The following KIAA0753 variants were observed in gnomAD, a reference collection of about 807,000 sequenced individuals.
KIAA0753 encodes the protein KIAA0753.
In KIAA0753, 114 loss-of-function variants were observed where a neutral mutation model predicts 116.9. That is an observed-to-expected ratio of 0.98 (90% CI 0.84 to 1.14). KIAA0753 has a LOEUF of 1.14. KIAA0753 is among the 50% of genes most tolerant of loss of function. KIAA0753 has a pLI of 0.00. For missense variants in KIAA0753, 1,156 were observed against 1,172.4 expected (o/e 0.99, Z 0.20); for synonymous variants, 405 against 413.1 (o/e 0.98, Z 0.24).
chr17:6,631,405 T>C (rs1008001828), intron 2 of KIAA0753, among the ~76,000 whole-genome samples: 1 of 152,232 alleles, frequency 6.6e-6, no homozygotes, highest in Non-Finnish European at 1.5e-5. Flanking sequence ...ATTCCAGAAC[T>C]GAGCAAAAAA....
chr17:6,579,815 G>T lies in KIAA0753; in HGVS notation c.2836C>A (p.Leu946Ile). The T allele has an allele frequency of 6.2e-7, 1 of 1,613,970 alleles. No homozygotes were observed. The change falls in exon 19 of 19, where the codon CTT becomes ATT. Residue 946 changes from leucine to isoleucine, a missense_variant. By Grantham distance (5) the Leu-to-Ile change is conservative. Transcript: ENST00000361413. ...GCATAATCTTCGCACATATCCTGAA[G>T]TTCAGCAGCCACAGCACCCAGAGCT... is the stretch of plus-strand genomic sequence containing the variant. ...DEALGAVAAE[L>I]QDMCEDYAEA...
intron 16 of KIAA0753, among the ~76,000 whole-genome samples, chr17:6,594,349 C>T (rs542691384): frequency 1.3e-5 from 2 of 150,878 alleles, no homozygotes; most frequent in East Asian, 2.0e-4. Context: ...AAACTTGTTA[C>T]AAACTTAAAT....
intron 7 of KIAA0753, among the ~76,000 whole-genome samples, chr17:6,615,628 A>C (rs1023606578): frequency 6.6e-6 from 1 of 151,452 alleles, no homozygotes; most frequent in Non-Finnish European, 1.5e-5. Flanking sequence ...AAAAAAAAAA[A>C]AAAAAAAAAA....
At chr17:6,601,819 G>C (rs1470116054) in intron 12 of KIAA0753, among the ~76,000 whole-genome samples, 3 of 152,118 alleles carry the variant, frequency 2.0e-5, no homozygotes, top group Admixed American at 6.5e-5. Context: ...GTCTTAATCA[G>C]AATTTAACAC....
At chr17:6,622,813 A>G (rs1971414635) in intron 6 of KIAA0753, 69 bp downstream of exon 6, 1 of 1,335,410 alleles carries the variant, frequency 7.5e-7, no homozygotes. Context: ...CATAAATCCT[A>G]ACGAAACTAG....
At chr17:6,587,186 T>C (rs1219375821) in intron 18 of KIAA0753, among the ~76,000 whole-genome samples, 2 of 151,984 alleles carry the variant, frequency 1.3e-5, no homozygotes, top group Non-Finnish European at 2.9e-5. Flanking sequence ...GAGCCGAGAT[T>C]GTACCACTGC....
chr17:6,622,753 C>T (rs989960477), intron 6 of KIAA0753, 129 bp downstream of exon 6: 4 of 756,788 alleles, frequency 5.3e-6, no homozygotes, highest in African/African-American at 5.2e-5. Context: ...GTTTCTTCTG[C>T]CCTCTGCAAA....
At position 6,620,864 on chromosome 17, in the gene KIAA0753, C is replaced by A. The variant is rs1158767251; in HGVS notation, c.1239G>T (p.Glu413Asp). Residue 413 changes from glutamate to aspartate, a missense_variant, in exon 7 of 19, where the codon GAG (glutamate) becomes GAT (aspartate). Physicochemically the swap from Glu to Asp is conservative, Grantham distance 45. Coordinates refer to ENST00000361413, the MANE Select transcript of KIAA0753 (RefSeq NM_014804.3). ...ERWPSTSPKG[E>D]RRPLTAKDTF... ...TGTCCTTTGCTGTGAGGGGCCTCCT[C>A]TCACCCTTTGGTGATGTACTTGGCC... 1.9e-6 allele frequency: 3 copies of A among 1,614,062 alleles called. No homozygotes were observed. In the Admixed American group the frequency reaches 5.0e-5, roughly 27 times the overall value.
At position 6,635,260 on chromosome 17, in the gene KIAA0753, T is replaced by C. The variant is rs1162528194; in HGVS notation, c.-68-89A>G. 12 of 535,244 alleles carry C rather than the reference T, an allele frequency of 2.2e-5. No homozygotes were observed. The East Asian group carries it at 3.1e-4, about 14-fold the overall frequency. 33.2% of individuals were successfully genotyped at this position (535,244 alleles called of 1,614,324 possible). A position where few individuals can be genotyped will look rare whatever the true frequency, so the allele number is the denominator to read the frequency against. On this transcript the variant is annotated intron_variant, in intron 1 of 18. Transcript: ENST00000361413. ...ACAGTGCCATGTGCATGTAGCAATA[T>C]ACTAGAAGTAGCCAATAGTAACCTC...
rs74701712 is a variant in KIAA0753 at position 6,589,759 on chromosome 17, G to A, written c.2786+20C>T. The stretch of plus-strand genomic sequence containing the variant: ...TTTGCAATTTGGTTCCTAAACAGAG[G>A]ACCGTAACATTTTACTGACCTTTCA... On this transcript the variant is annotated intron_variant, in intron 18 of 18. Transcript: ENST00000361413. 6,562 of 1,571,708 alleles carry A rather than the reference G, an allele frequency of 4.2e-3. 214 individuals carry two copies. In the African/African-American group the frequency reaches 0.075, roughly 18 times the overall value.
At chr17:6,596,778 CTT>C (rs940235858) in intron 14 of KIAA0753, among the ~76,000 whole-genome samples, 14 of 152,314 alleles carry the variant, frequency 9.2e-5, no homozygotes, top group South Asian at 8.3e-4. Flanking sequence ...GTTCAGGATT[CTT>C]TGTCTTTGAA....
chr17:6,591,073 A>AG lies in KIAA0753; in HGVS notation c.2441-444dup, dbSNP rs1258800537. 5.8e-3 allele frequency among the ~76,000 whole-genome samples: 844 copies of AG among 144,776 alleles called. 12 individuals are homozygous for AG. The highest frequency in any genetic ancestry group is 0.012 in the African/African-American group (432 of 36,696). The allele number at this position is 144,776 out of a possible 152,430, so 95.0% of individuals were successfully genotyped here. A position where few individuals can be genotyped will look rare whatever the true frequency, so the allele number is the denominator to read the frequency against. On this transcript the variant is annotated intron_variant, in intron 16 of 18. Coordinates refer to ENST00000361413, the MANE Select transcript of KIAA0753 (RefSeq NM_014804.3). ...AAGAAGAAGAAGAAGAAGAAGAAGAAGAAGAAGAAGAAGAAGAAGAAGAAG... is the reference window on the plus strand; with the variant it reads ...AAGAAGAAGAAGAAGAAGAAGAAGAAGGAAGAAGAAGAAGAAGAAGAAGAAG...
Position 6,612,058 on chromosome 17 carries a change from C to T in KIAA0753, c.1406G>A (p.Gly469Glu), listed in dbSNP as rs373425195. Residue 469 changes from glycine (G) to glutamate (E), a missense_variant, in exon 8 of 19, where the codon GGA becomes GAA. Coordinates refer to ENST00000361413, the MANE Select transcript of KIAA0753 (RefSeq NM_014804.3). ...TGCACTTTGGTCTAGAATAAATGGT[C>T]CTTCTTCCAGAACTATATCCGCATC... ...VLDADIVLEE[G>E]PFILDQSASF... 3 of 1,614,058 alleles carry T rather than the reference C, an allele frequency of 1.9e-6. No individual in the cohort carries two copies. Among genetic ancestry groups the T allele is most frequent in the Admixed American group, 1.7e-5 (1 of 60,004 alleles).
intron 7 of KIAA0753, among the ~76,000 whole-genome samples, chr17:6,613,632 T>C (rs1339414358): frequency 6.6e-6 from 1 of 151,822 alleles, no homozygotes; most frequent in Non-Finnish European, 1.5e-5. Context: ...ACTCAGTGAG[T>C]CTGAACTGAA....
chr17:6,587,686 A>G (rs1968680897), intron 18 of KIAA0753, among the ~76,000 whole-genome samples: 1 of 152,238 alleles, frequency 6.6e-6, no homozygotes, highest in Non-Finnish European at 1.5e-5. Flanking sequence ...ACCAGAACAA[A>G]GCATCTTATA....
rs746555515 is a variant in KIAA0753, at chr17:6,596,240, C to T, written c.2276G>A (p.Gly759Glu). 3 of 1,613,650 alleles carry T rather than the reference C, an allele frequency of 1.9e-6. No individual in the cohort carries two copies. The highest frequency in any genetic ancestry group is 2.5e-6 in the Non-Finnish European group (3 of 1,179,838). Residue 759 changes from glycine (G) to glutamate (E), a missense_variant, in exon 15 of 19, where the codon GGG becomes GAG. Coordinates refer to ENST00000361413, the MANE Select transcript of KIAA0753 (RefSeq NM_014804.3). The part of the protein sequence containing the change: ...LWAVTHAKIL[G>E]SETLATVEDS... ...CTCAACGGTGGCTAAGGTTTCAGAC[C>T]CCAAGATCTTAGCATGAGTCACAGC... is the stretch of plus-strand genomic sequence containing the variant.
At position 6,628,564 on chromosome 17, in the gene KIAA0753, C is replaced by A. The variant is rs200629798; in HGVS notation, c.271G>T (p.Val91Phe). The A allele has an allele frequency of 1.2e-6, 2 of 1,614,116 alleles. No individual in the cohort carries two copies. Among genetic ancestry groups the A allele is most frequent in the East Asian group, 4.5e-5 (2 of 44,882 alleles). The change falls in exon 3 of 19, where the codon GTC (valine) becomes TTC (phenylalanine). Residue 91 changes from valine to phenylalanine, a missense_variant. Transcript: ENST00000361413. The part of the protein sequence containing the change: ...PDLGSSVSFS[V>F]ISQERLSYAV... The stretch of plus-strand genomic sequence containing the variant: ...TAGCTAAGTCTCTCTTGGGATATGA[C>A]GGAAAATGAAACAGAACTGCCCAGG...
At chr17:6,582,839 C>A (rs149813753) in intron 18 of KIAA0753, among the ~76,000 whole-genome samples, 1 of 152,080 alleles carries the variant, frequency 6.6e-6, no homozygotes, top group Admixed American at 6.5e-5. Context: ...CCTTTTTTCC[C>A]ATACAATGCA....
chr17:6,620,824 T>C lies in KIAA0753; in HGVS notation c.1279A>G (p.Thr427Ala), dbSNP rs754871521. The change falls in exon 7 of 19, where the codon ACA becomes GCA. Residue 427 changes from threonine (T) to alanine (A), a missense_variant. Physicochemically the swap from Thr to Ala is moderately conservative, Grantham distance 58 (BLOSUM62 0). Transcript: ENST00000361413. The stretch of plus-strand genomic sequence containing the variant: ...TGCTTTGCTACAGAAGGTCGACTTG[T>C]TTCCTGTGGGAATGTGTCCTTTGCT... ...LTAKDTFPQETSRPSVAKQLL... is the reference protein window; with the variant it reads ...LTAKDTFPQEASRPSVAKQLL... 3 of 1,614,206 alleles carry C rather than the reference T, an allele frequency of 1.9e-6. No homozygotes were observed. The highest frequency in any genetic ancestry group is 1.1e-5 in the South Asian group (1 of 91,092).
Sources: gnomAD v4.1 joint callset for allele counts (sites outside exome capture counted in the v4.1 genomes callset) on GRCh38, gnomAD v4.1.1 for gene constraint, MANE v1.5 for transcripts, NCBI Gene and HGNC (gene_info 2026-07-23, HGNC 2026-07-21) for gene names.